The following AP1B1 variants were observed in gnomAD, a reference collection of about 807,000 sequenced individuals.
AP1B1 encodes the protein AP-1 complex subunit beta-1.
AP1B1 carries 36 observed loss-of-function variants against 104.3 expected under a neutral mutation model. The ratio of observed to expected loss-of-function variants is 0.35; its 90% CI spans 0.26 to 0.46. The LOEUF (loss-of-function observed/expected upper bound fraction) is 0.46. AP1B1 is among the 20% of genes least tolerant of loss of function. The pLI is 1.00. For synonymous variants in AP1B1, 504 were observed against 517.5 expected (o/e 0.97, Z 0.35); for missense variants, 901 against 1,247.9 (o/e 0.72, Z 4.19).
chr22:29,329,172 G>T (rs1044783106), intron 22 of AP1B1: 10 of 1,279,564 alleles, frequency 7.8e-6, no homozygotes, highest in East Asian at 3.7e-5. Context: ...GCCGGAGGCT[G>T]CCAGGGAGTG....
At chr22:29,384,247 G>C (rs528198866) in intron 1 of AP1B1, among the ~76,000 whole-genome samples, 40 of 152,256 alleles carry the variant, frequency 2.6e-4, no homozygotes, top group Admixed American at 4.6e-4. Flanking sequence ...CCGAGAGAGA[G>C]AGAGTTTACC....
intron 1 of AP1B1, among the ~76,000 whole-genome samples, chr22:29,381,157 T>C (rs118153794): frequency 2.0e-5 from 3 of 152,316 alleles, no homozygotes; most frequent in East Asian, 3.9e-4. Flanking sequence ...TCTTTAGGTC[T>C]TGGCTCAAAT....
intron 3 of AP1B1, among the ~76,000 whole-genome samples, chr22:29,362,503 T>C (rs1418724354): frequency 6.6e-6 from 1 of 151,998 alleles, no homozygotes; most frequent in Non-Finnish European, 1.5e-5. Flanking sequence ...TGCGCCACCA[T>C]GCCCGGCTAC....
chr22:29,368,450 AG>A (rs2062178395), intron 1 of AP1B1, among the ~76,000 whole-genome samples: 1 of 152,244 alleles, frequency 6.6e-6, no homozygotes, highest in South Asian at 2.1e-4. Flanking sequence ...ACAGGAACCA[AG>A]ATACCCTAGA....
chr22:29,336,937 T>C (rs2061646551), intron 16 of AP1B1, among the ~76,000 whole-genome samples: 1 of 152,234 alleles, frequency 6.6e-6, no homozygotes, highest in Non-Finnish European at 1.5e-5. Flanking sequence ...CAGGAGTCTT[T>C]GCTGTTCTCT....
chr22:29,339,201 T>C, intron 15 of AP1B1, 68 bp from the exon 16 acceptor site: 1 of 1,583,658 alleles, frequency 6.3e-7, no homozygotes, highest in African/African-American at 1.3e-5. Context: ...TGGGAATGAG[T>C]AGAGCCACCT....
intron 11 of AP1B1, among the ~76,000 whole-genome samples, chr22:29,348,286 C>A (rs1244060819): frequency 6.6e-6 from 1 of 152,236 alleles, no homozygotes; most frequent in African/African-American, 2.4e-5. Context: ...AATAAGGCAA[C>A]ACTCATGTTT....
Position 29,348,513 on chromosome 22 carries a change from G to A in AP1B1, c.1437+705C>T, listed in dbSNP as rs191900915. 3.5e-4 allele frequency among the ~76,000 whole-genome samples: 54 copies of A among 152,314 alleles called. No individual in the cohort carries two copies. In the East Asian group the frequency reaches 0.01, roughly 29 times the overall value. On this transcript the variant is annotated intron_variant, in intron 11 of 22. Transcript: ENST00000357586. The stretch of plus-strand genomic sequence containing the variant: ...CATGAATTACAGTATCCATGGCCAT[G>A]AGTTCAATGTCAATGAATTGACAAT...
At chr22:29,352,177 T>A (rs542056909) in intron 7 of AP1B1, among the ~76,000 whole-genome samples, 1 of 152,290 alleles carries the variant, frequency 6.6e-6, no homozygotes, top group South Asian at 2.1e-4. Context: ...TCCTCACCCA[T>A]GAAATGGGAA....
chr22:29,376,289 C>T (rs1312084612), intron 1 of AP1B1, among the ~76,000 whole-genome samples: 1 of 152,136 alleles, frequency 6.6e-6, no homozygotes, highest in Admixed American at 6.5e-5. Context: ...TCAGAGCAGC[C>T]CATGCTCTTC....
chr22:29,351,578 T>A, intron 8 of AP1B1, 127 bp downstream of exon 8: 1 of 1,303,260 alleles, frequency 7.7e-7, no homozygotes, highest in Admixed American at 2.6e-5. Flanking sequence ...CCATGTCCCA[T>A]GCTAAACACT....
rs781587668 is a variant in AP1B1 at position 29,359,887 on chromosome 22, G to A, written c.216C>T (p.Tyr72=). ...NLELKKLVYL[Y]LMNYAKSQPD... ...GCTGACTCTTGGCGTAATTCATCAA[G>A]TAGAGGTATACTAGCTTCTTCAGCT... is the stretch of plus-strand genomic sequence containing the variant. The change falls in exon 4 of 23, where the codon TAC becomes TAT. Residue 72 remains tyrosine (Y), a synonymous_variant. Coordinates refer to ENST00000357586, the MANE Select transcript of AP1B1 (RefSeq NM_001127.4). 112 of 1,613,968 alleles carry A rather than the reference G, an allele frequency of 6.9e-5. No homozygotes were observed. Among genetic ancestry groups the A allele is most frequent in the Non-Finnish European group, 8.9e-5 (105 of 1,179,994 alleles).
intron 7 of AP1B1, 89 bp from the exon 8 acceptor site, chr22:29,351,914 G>T: frequency 6.5e-7 from 1 of 1,532,530 alleles, no homozygotes; most frequent in Non-Finnish European, 8.9e-7. Context: ...GACATTTCTG[G>T]GGTCTGAGGT....
chr22:29,350,250 G>T, intron 9 of AP1B1, 100 bp from the exon 10 acceptor site: 1 of 840,090 alleles, frequency 1.2e-6, no homozygotes, highest in Non-Finnish European at 2.0e-6. Context: ...ATCACTTCTG[G>T]CACACCTTCC....
At chr22:29,346,794 T>TG (rs112494263) in intron 11 of AP1B1, among the ~76,000 whole-genome samples, 8,028 of 147,564 alleles carry the variant, frequency 0.054, 219 homozygotes, top group Non-Finnish European at 0.07. Flanking sequence ...CAGGTGGCAG[T>TG]GGGGGGGGGT....
intron 18 of AP1B1, 62 bp downstream of exon 18, chr22:29,331,725 C>T: frequency 6.2e-7 from 1 of 1,613,822 alleles, no homozygotes; most frequent in Non-Finnish European, 8.5e-7. Context: ...TTCTACTGAC[C>T]CCAGTGGGGC....
Position 29,328,804 on chromosome 22 carries a change from G to A in AP1B1, c.*17C>T, listed in dbSNP as rs527713502. On this transcript the variant is annotated 3_prime_UTR_variant, in exon 23 of 23. Transcript: ENST00000357586. The surrounding 1 kb of genome is among the most constrained non-coding windows in gnomAD (Gnocchi z 4.1). ...GATGGGGCGGGCAGAAGGCTGGGGT[G>A]GGCGCTGGCCGGGGTCTCAGTTCTT... 71 of 1,599,532 alleles carry A rather than the reference G, an allele frequency of 4.4e-5. No homozygotes were observed. The South Asian group carries it at 6.9e-4, about 16-fold the overall frequency.
chr22:29,363,901 A>T (rs1031105916), intron 2 of AP1B1, among the ~76,000 whole-genome samples: 3 of 152,142 alleles, frequency 2.0e-5, no homozygotes, highest in African/African-American at 4.8e-5. Flanking sequence ...TCTCCAAAAA[A>T]AAAAAGTTTA....
intron 1 of AP1B1, among the ~76,000 whole-genome samples, chr22:29,371,689 C>T (rs2148032604): frequency 6.6e-6 from 1 of 152,028 alleles, no homozygotes. Context: ...GATCGCGCCA[C>T]TGCACTCTAG....
Sources: allele counts gnomAD v4.1 joint callset (sites outside exome capture counted in the v4.1 genomes callset), GRCh38; gene constraint gnomAD v4.1.1; non-coding constraint Gnocchi (gnomAD v3.1); transcripts MANE v1.5; gene names NCBI Gene and HGNC (gene_info 2026-07-23, HGNC 2026-07-21).